NR6A1: variants seen among roughly 807,000 people sequenced by gnomAD.
The protein encoded by NR6A1 is nuclear receptor subfamily 6 group A member 1.
Under a neutral mutation model 59.1 loss-of-function variants are expected in NR6A1, and 7 were observed. That is an observed-to-expected ratio of 0.12 (90% CI 0.07 to 0.22). NR6A1 has a LOEUF of 0.22. Ranked by LOEUF, NR6A1 falls within the 10% of genes least tolerant of loss-of-function variation. The pLI is 1.00. For synonymous variants in NR6A1, 243 were observed against 236.1 expected (o/e 1.03, Z -0.27); for missense variants, 468 against 611.6 (o/e 0.77, Z 2.48).
chr9:124,633,569 G>A (rs1227827699), intron 2 of NR6A1, among the ~76,000 whole-genome samples: 1 of 152,132 alleles, frequency 6.6e-6, no homozygotes, highest in Admixed American at 6.5e-5. Flanking sequence ...CTGGTCTCCT[G>A]AATAAAGATA....
rs1832730937 is a variant in NR6A1, at chr9:124,518,307, C to G, written c.*4398G>C. 1 of 151,036 alleles carries G rather than the reference C, an allele frequency of 6.6e-6. No homozygotes were observed. The highest frequency in any genetic ancestry group is 2.0e-4 in the East Asian group (1 of 5,086). 9.4% of individuals were successfully genotyped at this position (151,036 alleles called of 1,614,324 possible). On this transcript the variant is annotated 3_prime_UTR_variant, in exon 10 of 10. Coordinates refer to ENST00000487099, the MANE Select transcript of NR6A1 (RefSeq NM_033334.4). ...GCTCGTGTCGTAGGACAGCTAGAAG[C>G]CTTCAAGTCTCATGGTGGCCCAGGT... is the stretch of plus-strand genomic sequence containing the variant.
At chr9:124,735,194 CCA>C (rs1839989179) in intron 1 of NR6A1, among the ~76,000 whole-genome samples, 1 of 152,174 alleles carries the variant, frequency 6.6e-6, no homozygotes, top group African/African-American at 2.4e-5. Context: ...ACCAAACATG[CCA>C]CATTCTTTCT....
chr9:124,598,707 A>C, intron 2 of NR6A1: 1 of 658,518 alleles, frequency 1.5e-6, no homozygotes, highest in Non-Finnish European at 2.5e-6. Context: ...AAGACGATTT[A>C]TTGTTTCTCC....
chr9:124,702,754 C>T (rs758968849), intron 2 of NR6A1, among the ~76,000 whole-genome samples: 6 of 152,034 alleles, frequency 3.9e-5, no homozygotes, highest in Non-Finnish European at 5.9e-5. Context: ...AAGCTTCCTG[C>T]GGCCTCATCA....
intron 2 of NR6A1, among the ~76,000 whole-genome samples, chr9:124,679,796 C>T (rs1284980695): frequency 6.6e-6 from 1 of 150,924 alleles, no homozygotes; most frequent in Non-Finnish European, 1.5e-5. Context: ...TCATGGGTGG[C>T]TAAGGTAGGA....
intron 2 of NR6A1, among the ~76,000 whole-genome samples, chr9:124,701,664 A>G (rs1173814418): frequency 1.3e-5 from 2 of 152,170 alleles, no homozygotes; most frequent in Non-Finnish European, 2.9e-5. Context: ...CTAAAAATTG[A>G]GTTGTCTTCT....
At chr9:124,748,066 T>C (rs1184346497) in intron 1 of NR6A1, among the ~76,000 whole-genome samples, 3 of 152,230 alleles carry the variant, frequency 2.0e-5, no homozygotes, top group Non-Finnish European at 4.4e-5. Context: ...AAATTCCTAT[T>C]TGCAAACTCT....
intron 2 of NR6A1, among the ~76,000 whole-genome samples, chr9:124,660,461 C>A (rs1342410194): frequency 6.6e-6 from 1 of 152,106 alleles, no homozygotes; most frequent in Admixed American, 6.6e-5. Context: ...TATCTCGCTA[C>A]CTGGATTTGA....
intron 2 of NR6A1, among the ~76,000 whole-genome samples, chr9:124,711,642 C>T (rs1839284208): frequency 6.6e-6 from 1 of 152,162 alleles, no homozygotes; most frequent in Non-Finnish European, 1.5e-5. Flanking sequence ...GATCCCCTTG[C>T]ATTAAGGGTC....
At chr9:124,677,451 G>A (rs530528183) in intron 2 of NR6A1, among the ~76,000 whole-genome samples, 79 of 151,836 alleles carry the variant, frequency 5.2e-4, no homozygotes, top group African/African-American at 1.9e-3. Context: ...TAGAGACGGG[G>A]TTTCATCATG....
At chr9:124,680,112 GTGTGTGTGTT>G (rs1373146097) in intron 2 of NR6A1, among the ~76,000 whole-genome samples, 1 of 151,962 alleles carries the variant, frequency 6.6e-6, no homozygotes, top group East Asian at 1.9e-4. Flanking sequence ...GTGTGTGTGT[GTGTGTGTGTT>G]TATGTATGTA....
chr9:124,585,805 A>G (rs759002324), intron 2 of NR6A1, among the ~76,000 whole-genome samples: 15 of 152,148 alleles, frequency 9.9e-5, no homozygotes, highest in Non-Finnish European at 1.9e-4. Flanking sequence ...GTTGATGCCA[A>G]TGCTCACTGA....
At chr9:124,723,402 AC>A (rs1297561966) in intron 2 of NR6A1, among the ~76,000 whole-genome samples, 2 of 152,224 alleles carry the variant, frequency 1.3e-5, no homozygotes, top group Non-Finnish European at 2.9e-5. Context: ...AAACACCCTA[AC>A]AGTCACTGAG....
At chr9:124,599,673 T>A in intron 2 of NR6A1, 3 of 1,017,048 alleles carry the variant, frequency 2.9e-6, no homozygotes, top group Non-Finnish European at 3.8e-6. Context: ...CCTCTGCGTC[T>A]GGCCATGAAG....
At position 124,571,922 on chromosome 9, in the gene NR6A1, T is replaced by TA. The variant is rs777759158; in HGVS notation, c.143-17353dup. Among the ~76,000 whole-genome samples the TA allele has an allele frequency of 4.0e-3, 572 of 143,288 alleles. 2 individuals are homozygous for TA. The highest frequency in any genetic ancestry group is 4.8e-3 in the Non-Finnish European group (313 of 65,036). The allele number at this position is 143,288 out of a possible 152,430, so 94.0% of individuals were successfully genotyped here. On this transcript the variant is annotated intron_variant, in intron 2 of 9. Transcript: ENST00000487099. The stretch of plus-strand genomic sequence containing the variant: ...TTTGATGAGTTTCTCTTACTTACCA[T>TA]AAAAAAAAAAAATTGACTATGACAG...
At chr9:124,553,834 G>A (rs925687209) in intron 3 of NR6A1, among the ~76,000 whole-genome samples, 6 of 151,734 alleles carry the variant, frequency 4.0e-5, no homozygotes, top group African/African-American at 1.2e-4. Flanking sequence ...CTACTAGAAC[G>A]TCAGTTTGTT....
rs914554644 is a variant in NR6A1 at position 124,526,970 on chromosome 9, A to G, written c.1080-70T>C. 1.0e-5 allele frequency: 16 copies of G among 1,565,554 alleles called. No individual in the cohort carries two copies. In the African/African-American group the frequency reaches 1.6e-4, roughly 16 times the overall value. ...AGGGGCCAGGAAAGGGCAGCCAGAG[A>G]GCTCCTACAGCTCCTTAAACAGGCT... On this transcript the variant is annotated intron_variant, in intron 7 of 9. Transcript: ENST00000487099.
chr9:124,643,899 G>T (rs1452000587), intron 2 of NR6A1, among the ~76,000 whole-genome samples: 1 of 151,746 alleles, frequency 6.6e-6, no homozygotes, highest in Non-Finnish European at 1.5e-5. Flanking sequence ...TCCTTTCTGG[G>T]TTTTTTTGTT....
rs1840953853 is a variant in NR6A1, at chr9:124,767,106, C to T, written c.100+3914G>A. On this transcript the variant is annotated intron_variant, in intron 1 of 9. Coordinates refer to ENST00000487099, the MANE Select transcript of NR6A1 (RefSeq NM_033334.4). ...CTAAAATGTGGTATTTTAATCTAAA[C>T]TCTATTTTCCACCTTTGCCCCAAAA... 2.0e-5 allele frequency among the ~76,000 whole-genome samples: 3 copies of T among 152,298 alleles called. No homozygotes were observed. The South Asian group carries it at 6.2e-4, about 32-fold the overall frequency.
Sources: gnomAD v4.1 joint callset for allele counts (sites outside exome capture counted in the v4.1 genomes callset) on GRCh38, gnomAD v4.1.1 for gene constraint, MANE v1.5 for transcripts, NCBI Gene and HGNC (gene_info 2026-07-23, HGNC 2026-07-21) for gene names.